The following CAB39 variants were observed in gnomAD, a reference collection of about 807,000 sequenced individuals.
CAB39 encodes calcium-binding protein 39.
A neutral mutation model predicts 40.0 loss-of-function variants in CAB39; 8 were observed. The ratio of observed to expected loss-of-function variants is 0.20; its 90% CI spans 0.12 to 0.36. The LOEUF is 0.36. Among genes scored for constraint, CAB39 ranks in the 10% least tolerant of loss-of-function variants. The pLI is 1.00. For missense variants in CAB39, 270 were observed against 401.1 expected (o/e 0.67, Z 2.79); for synonymous variants, 156 against 141.6 (o/e 1.10, Z -0.72).
chr2:230,740,796 G>A (rs575426493), intron 1 of CAB39, among the ~76,000 whole-genome samples: 84 of 152,220 alleles, frequency 5.5e-4, no homozygotes, highest in African/African-American at 1.6e-3. Flanking sequence ...CACTGGACCC[G>A]TACCACTCCA....
In CAB39 at chr2:230,745,643, G is replaced by A. The variant is rs1020358613; in HGVS notation, c.-43-14316G>A. On this transcript the variant is annotated intron_variant, in intron 1 of 8. Transcript: ENST00000258418. Reference sequence around the variant, plus strand: ...TTTTTCTTTTTTTTGCAGGGGAGGCGGGGCCAGAGTTTCGCGCTTGTTGCC... The same window carrying A: ...TTTTTCTTTTTTTTGCAGGGGAGGCAGGGCCAGAGTTTCGCGCTTGTTGCC... Among the ~76,000 whole-genome samples, 28 of 151,910 alleles carry A rather than the reference G, an allele frequency of 1.8e-4. 1 individual carries two copies. Among genetic ancestry groups the A allele is most frequent in the African/African-American group, 5.8e-4 (24 of 41,430 alleles).
chr2:230,813,313 C>G (rs1417962608), intron 6 of CAB39, among the ~76,000 whole-genome samples: 1 of 152,182 alleles, frequency 6.6e-6, no homozygotes, highest in Non-Finnish European at 1.5e-5. Context: ...CCACTCTTGT[C>G]AGTGACCGCT....
intron 2 of CAB39, among the ~76,000 whole-genome samples, chr2:230,768,674 A>C (rs748497448): frequency 2.4e-4 from 37 of 152,332 alleles, no homozygotes; most frequent in Non-Finnish European, 4.3e-4. Flanking sequence ...CGGGTCAATT[A>C]GGTGGAGGTG....
chr2:230,753,285 C>T (rs376577676), intron 1 of CAB39, among the ~76,000 whole-genome samples: 1 of 152,152 alleles, frequency 6.6e-6, no homozygotes, highest in African/African-American at 2.4e-5. Flanking sequence ...CAGCCCCCCA[C>T]ATACCACCAC....
chr2:230,763,767 T>C (rs951918456), intron 2 of CAB39, among the ~76,000 whole-genome samples: 4 of 152,340 alleles, frequency 2.6e-5, no homozygotes, highest in Non-Finnish European at 5.9e-5. Flanking sequence ...TTTTATACTC[T>C]GTACTTTGAA....
At position 230,785,375 on chromosome 2, in the gene CAB39, G is replaced by A. The variant is rs551349112; in HGVS notation, c.115-5497G>A. On this transcript the variant is annotated intron_variant, in intron 2 of 8. Coordinates refer to ENST00000258418, the MANE Select transcript of CAB39 (RefSeq NM_016289.4). The stretch of plus-strand genomic sequence containing the variant: ...GTGGGTAGTAGCTGGGCAGGGGCGC[G>A]TGGGCAGGGGGGCAGGGGGGCAGGG... Among the ~76,000 whole-genome samples the A allele has an allele frequency of 1.1e-3, 165 of 149,738 alleles. 1 individual carries two copies. The highest frequency in any genetic ancestry group is 3.8e-3 in the African/African-American group (153 of 40,672).
intron 5 of CAB39, among the ~76,000 whole-genome samples, chr2:230,805,331 A>G (rs1696172127): frequency 1.3e-5 from 2 of 152,256 alleles, no homozygotes; most frequent in Admixed American, 6.5e-5. Context: ...GCAAACCAAC[A>G]TGGCACATGT....
chr2:230,767,343 A>C (rs1280142943), intron 2 of CAB39, among the ~76,000 whole-genome samples: 1 of 152,168 alleles, frequency 6.6e-6, no homozygotes, highest in Non-Finnish European at 1.5e-5. Context: ...AAAAGTCCAG[A>C]ATCTAATCCC....
intron 2 of CAB39, among the ~76,000 whole-genome samples, chr2:230,781,061 A>G (rs74905079): frequency 0.14 from 21,781 of 151,572 alleles, 2,305 homozygotes; most frequent in African/African-American, 0.3. Flanking sequence ...CACCTGGGCA[A>G]CAGAGCTGGA....
At chr2:230,729,383 G>T (rs971293253) in intron 1 of CAB39, among the ~76,000 whole-genome samples, 5 of 152,216 alleles carry the variant, frequency 3.3e-5, no homozygotes, top group Admixed American at 2.0e-4. Context: ...GAAACTGGTG[G>T]AATATAGCAG....
At chr2:230,716,260 A>G (rs562722969) in intron 1 of CAB39, among the ~76,000 whole-genome samples, 16 of 152,320 alleles carry the variant, frequency 1.1e-4, no homozygotes, top group African/African-American at 3.8e-4. Context: ...ATGTTTGTAT[A>G]TTGCAAATAC....
chr2:230,789,607 A>C (rs532532925), intron 2 of CAB39, among the ~76,000 whole-genome samples: 1 of 152,194 alleles, frequency 6.6e-6, no homozygotes, highest in East Asian at 1.9e-4. Flanking sequence ...GTGAGCTCCA[A>C]GGTTCTGGTT....
At chr2:230,774,545 G>A (rs1026968316) in intron 2 of CAB39, among the ~76,000 whole-genome samples, 5 of 152,140 alleles carry the variant, frequency 3.3e-5, no homozygotes, top group African/African-American at 7.2e-5. Flanking sequence ...GACTATTTAC[G>A]CACTCTTCGC....
chr2:230,805,901 C>CT (rs1473515654), intron 5 of CAB39, among the ~76,000 whole-genome samples: 4 of 152,088 alleles, frequency 2.6e-5, no homozygotes, highest in Non-Finnish European at 5.9e-5. Flanking sequence ...TTATTAGTGA[C>CT]TGAAATAAAA....
intron 1 of CAB39, among the ~76,000 whole-genome samples, chr2:230,754,607 C>T (rs1271781616): frequency 2.0e-5 from 3 of 152,252 alleles, no homozygotes; most frequent in African/African-American, 7.2e-5. Flanking sequence ...CAACCTCCGC[C>T]TCCCAGGTTT....
intron 1 of CAB39, among the ~76,000 whole-genome samples, chr2:230,722,734 ATTCT>A (rs1370179053): frequency 6.6e-6 from 1 of 152,240 alleles, no homozygotes; most frequent in African/African-American, 2.4e-5. Context: ...GAAGTCTCAA[ATTCT>A]TTCTGCTGTA....
chr2:230,787,633 C>T (rs1575947420), intron 2 of CAB39, among the ~76,000 whole-genome samples: 2 of 152,222 alleles, frequency 1.3e-5, no homozygotes, highest in East Asian at 3.9e-4. Flanking sequence ...AATATAATTG[C>T]AAAAATTCTT....
intron 2 of CAB39, among the ~76,000 whole-genome samples, chr2:230,780,698 G>T (rs910847222): frequency 3.3e-5 from 5 of 152,232 alleles, no homozygotes; most frequent in Non-Finnish European, 7.3e-5. Context: ...AGGCAGTGAT[G>T]TCAATAGTCT....
chr2:230,798,327 A>T (rs1176694181), intron 4 of CAB39, among the ~76,000 whole-genome samples: 1 of 152,164 alleles, frequency 6.6e-6, no homozygotes, highest in Non-Finnish European at 1.5e-5. Flanking sequence ...AATTTGGGGA[A>T]ATATTTTGTT....
Sources: allele counts gnomAD v4.1 joint callset (sites outside exome capture counted in the v4.1 genomes callset), GRCh38; gene constraint gnomAD v4.1.1; transcripts MANE v1.5; gene names NCBI Gene and HGNC (gene_info 2026-07-23, HGNC 2026-07-21).